Variants in LPIN2 observed in about 807,000 individuals in gnomAD.
LPIN2 encodes the protein lipin 2.
A neutral mutation model predicts 111.4 loss-of-function variants in LPIN2; 55 were observed. The ratio of observed to expected loss-of-function variants is 0.49; its 90% confidence interval spans 0.40 to 0.62. The LOEUF is 0.62. LPIN2 is among the 20% of genes least tolerant of loss of function. LPIN2 has a pLI of 0.00. For missense variants in LPIN2, 992 were observed against 1,112.1 expected (o/e 0.89, Z 1.54); for synonymous variants, 425 against 414.0 (o/e 1.03, Z -0.32).
At chr18:2,949,620 G>C (rs1193177721) in intron 4 of LPIN2, among the ~76,000 whole-genome samples, 1 of 152,040 alleles carries the variant, frequency 6.6e-6, no homozygotes, top group Non-Finnish European at 1.5e-5. Context: ...AAAATTTCAT[G>C]TATTAAAAAT....
chr18:2,949,220 G>A (rs1208567964), intron 4 of LPIN2, among the ~76,000 whole-genome samples: 1 of 152,152 alleles, frequency 6.6e-6, no homozygotes, highest in East Asian at 1.9e-4. Context: ...ATGAAGGAAG[G>A]AAAAGGACAG....
chr18:2,956,192 C>T (rs1021569707), intron 2 of LPIN2, among the ~76,000 whole-genome samples: 1 of 152,040 alleles, frequency 6.6e-6, no homozygotes, highest in African/African-American at 2.4e-5. Context: ...ATAATCAGAA[C>T]CATGTTTCCT....
Position 2,925,404 on chromosome 18 carries a change from A to G in LPIN2, c.1794-36T>C, listed in dbSNP as rs1407979884. The G allele has an allele frequency of 1.9e-6, 3 of 1,613,646 alleles. No homozygotes were observed. Among genetic ancestry groups the G allele is most frequent in the Non-Finnish European group, 2.5e-6 (3 of 1,179,860 alleles). On this transcript the variant is annotated intron_variant, in intron 13 of 19. Transcript: ENST00000677752. This position sits in a 1 kb window ranked among gnomAD's most constrained non-coding sequence, Gnocchi z 4.1. ...TTAGCCCAGTTACGGAAGAGGCAGC[A>G]GGGCATTTTATTGATGAGAGCTTTT... is the stretch of plus-strand genomic sequence containing the variant.
Position 2,954,692 on chromosome 18 carries a change from C to G in LPIN2, c.193-93G>C, listed in dbSNP as rs559520487. ...CTCTGAGTTCTCAAGTCAAACTTAG[C>G]ATAGTTTTGAGGTTCCTAGAACTAC... is the stretch of plus-strand genomic sequence containing the variant. On this transcript the variant is annotated intron_variant, in intron 2 of 19. Coordinates refer to ENST00000677752, the MANE Select transcript of LPIN2 (RefSeq NM_001375808.2). 657 of 933,572 alleles carry G rather than the reference C, an allele frequency of 7.0e-4. 1 individual carries two copies. The African/African-American group carries it at 9.1e-3, about 13-fold the overall frequency. 57.8% of individuals were successfully genotyped at this position (933,572 alleles called of 1,614,324 possible). A position where few individuals can be genotyped will look rare whatever the true frequency, so the allele number is the denominator to read the frequency against.
intron 1 of LPIN2, among the ~76,000 whole-genome samples, chr18:2,967,852 A>G (rs1228701093): frequency 6.6e-5 from 10 of 152,194 alleles, no homozygotes; most frequent in African/African-American, 1.9e-4. Flanking sequence ...GTATTATTTT[A>G]TATTAGCTAT....
In LPIN2 at chr18:2,919,013, G is replaced by A. The variant is rs1434661699; in HGVS notation, c.*1280C>T. 3 of 152,186 alleles carry A rather than the reference G, an allele frequency of 2.0e-5. No homozygotes were observed. The highest frequency in any genetic ancestry group is 4.4e-5 in the Non-Finnish European group (3 of 68,054). The allele number at this position is 152,186 out of a possible 1,614,324, so 9.4% of individuals were successfully genotyped here. The stretch of plus-strand genomic sequence containing the variant: ...TGACAGTTCTCTTGATGTTAAGAGT[G>A]CAGCTCTGTCAACACTCAGCATACC... On this transcript the variant is annotated 3_prime_UTR_variant, in exon 20 of 20. Transcript: ENST00000677752.
In LPIN2 at chr18:2,923,760, G is replaced by A; in HGVS notation, c.2174+15C>T. On this transcript the variant is annotated intron_variant, in intron 16 of 19. Transcript: ENST00000677752. ...CCAGCTCACCAGAGCGAGTTAACGT[G>A]GGGAGGGTACCTACTCATTGATGGA... 1.9e-6 allele frequency: 3 copies of A among 1,608,944 alleles called. No individual in the cohort carries two copies. Among genetic ancestry groups the A allele is most frequent in the Non-Finnish European group, 2.6e-6 (3 of 1,175,312 alleles).
In LPIN2 at chr18:2,975,639, G is replaced by A. The variant is rs113906439; in HGVS notation, c.-9-14790C>T. ...CTAGCCAAGCCTTTTATTATGAGTAGTCTTACAGATACGATTACGTTATGA... is the reference window on the plus strand; with the variant it reads ...CTAGCCAAGCCTTTTATTATGAGTAATCTTACAGATACGATTACGTTATGA... On this transcript the variant is annotated intron_variant, in intron 1 of 19. Transcript: ENST00000677752. Among the ~76,000 whole-genome samples, 117 of 152,236 alleles carry A rather than the reference G, an allele frequency of 7.7e-4. 1 individual carries two copies. The highest frequency in any genetic ancestry group is 2.4e-3 in the African/African-American group (101 of 41,558).
Position 2,925,221 on chromosome 18 carries a change from C to G in LPIN2, c.1938+3G>C. ...TGGACAACACAGATCATGCAAGACT[C>G]ACGATCTGGTCTGAGGAGAGGCGGA... On this transcript the variant is annotated splice_donor_region_variant and intron_variant, in intron 14 of 19. Transcript: ENST00000677752. The surrounding 1 kb of genome is among the most constrained non-coding windows in gnomAD (Gnocchi z 4.1). 1 of 1,614,198 alleles carries G rather than the reference C, an allele frequency of 6.2e-7. No individual in the cohort carries two copies. The highest frequency in any genetic ancestry group is 8.5e-7 in the Non-Finnish European group (1 of 1,180,048).
intron 1 of LPIN2, among the ~76,000 whole-genome samples, chr18:2,972,990 A>G (rs1174050707): frequency 6.6e-6 from 1 of 152,242 alleles, no homozygotes; most frequent in African/African-American, 2.4e-5. Context: ...CAATAAGTAA[A>G]ATCATTAAGA....
intron 1 of LPIN2, among the ~76,000 whole-genome samples, chr18:2,977,927 T>A (rs1488578796): frequency 6.6e-6 from 1 of 152,076 alleles, no homozygotes; most frequent in Non-Finnish European, 1.5e-5. Context: ...GCTCGGTGGT[T>A]TACACCTGTA....
chr18:2,978,981 T>G (rs533679875), intron 1 of LPIN2: 46 of 152,414 alleles, frequency 3.0e-4, no homozygotes, highest in African/African-American at 1.0e-3. Flanking sequence ...GTAGGTGGAA[T>G]GACTCCCAAA....
At position 2,954,491 on chromosome 18, in the gene LPIN2, C is replaced by G. The variant is rs2143137276; in HGVS notation, c.288+13G>C. On this transcript the variant is annotated intron_variant, in intron 3 of 19. Transcript: ENST00000677752. ...CACACTGTGTAAGGAGGGTGTAACC[C>G]ATGCAAACTTACATATTCTTCTTCA... is the stretch of plus-strand genomic sequence containing the variant. 23 of 1,591,516 alleles carry G rather than the reference C, an allele frequency of 1.4e-5. No homozygotes were observed. Among genetic ancestry groups the G allele is most frequent in the Non-Finnish European group, 2.0e-5 (23 of 1,159,506 alleles).
intron 1 of LPIN2, among the ~76,000 whole-genome samples, chr18:2,972,882 C>T (rs1197830122): frequency 2.0e-5 from 3 of 152,172 alleles, no homozygotes; most frequent in Non-Finnish European, 4.4e-5. Context: ...TGTCTGTTCC[C>T]ATCAAGGCTA....
In LPIN2 at chr18:2,934,468, C is replaced by T. The variant is rs1295600770; in HGVS notation, c.1169-18G>A. 4.7e-6 allele frequency: 7 copies of T among 1,500,170 alleles called. No homozygotes were observed. Among genetic ancestry groups the T allele is most frequent in the Non-Finnish European group, 5.6e-6 (6 of 1,077,560 alleles). The allele number at this position is 1,500,170 out of a possible 1,614,324, so 92.9% of individuals were successfully genotyped here. On this transcript the variant is annotated intron_variant, in intron 7 of 19. Coordinates refer to ENST00000677752, the MANE Select transcript of LPIN2 (RefSeq NM_001375808.2). ...GTGAACACCTGTTTAAAAAAAAAAT[C>T]AGAGGTAAGAATTTAGTTATTCTTC...
chr18:2,946,511 C>T, intron 4 of LPIN2: 2 of 1,566,178 alleles, frequency 1.3e-6, no homozygotes, highest in Non-Finnish European at 1.8e-6. Context: ...CTGACCGCAG[C>T]TCCGGTTGTA....
intron 1 of LPIN2, among the ~76,000 whole-genome samples, chr18:2,970,538 T>C (rs1270106745): frequency 1.3e-5 from 2 of 152,230 alleles, no homozygotes; most frequent in African/African-American, 4.8e-5. Context: ...CAGTCATAAG[T>C]TTCTTTGCGT....
intron 10 of LPIN2, 109 bp downstream of exon 10, chr18:2,928,956 G>A: frequency 1.3e-6 from 1 of 787,570 alleles, no homozygotes; most frequent in Non-Finnish European, 2.2e-6. Context: ...TAATTTATAT[G>A]AGATGACAAG....
At chr18:2,975,410 C>T (rs746252707) in intron 1 of LPIN2, among the ~76,000 whole-genome samples, 1 of 152,182 alleles carries the variant, frequency 6.6e-6, no homozygotes, top group Non-Finnish European at 1.5e-5. Flanking sequence ...TCTCAGCTCA[C>T]TGCAACTTCT....
Sources: gnomAD v4.1 joint callset for allele counts (sites outside exome capture counted in the v4.1 genomes callset) on GRCh38, gnomAD v4.1.1 for gene constraint, Gnocchi (gnomAD v3.1) non-coding constraint, MANE v1.5 for transcripts, NCBI Gene and HGNC (gene_info 2026-07-23, HGNC 2026-07-21) for gene names.